ABCA9: variants seen among roughly 807,000 people sequenced by gnomAD.
The protein encoded by ABCA9 is ATP binding cassette subfamily A member 9, also known as ATP-binding cassette sub-family A member 9.
ABCA9 carries 183 observed loss-of-function variants against 205.3 expected under a neutral mutation model. The observed-to-expected ratio is 0.89, with a 90% CI of 0.79 to 1.01. The LOEUF (loss-of-function observed/expected upper bound fraction) is 1.01. Among genes scored for constraint, ABCA9 ranks in the 50% least tolerant of loss-of-function variants. The probability of loss-of-function intolerance (pLI) is 0.00; values close to 1 mark genes in which losing one functional copy is unlikely to be tolerated. For missense variants in ABCA9, 1,805 were observed against 1,912.4 expected, an observed-to-expected ratio of 0.94 and a Z score of 1.05; for synonymous variants, 651 against 683.3, an observed-to-expected ratio of 0.95 and a Z score of 0.74.
At chr17:69,043,350 A>T in intron 6 of ABCA9, 139 bp downstream of exon 6, 1 of 607,108 alleles carries the variant, frequency 1.6e-6, no homozygotes, top group Non-Finnish European at 2.8e-6. Flanking sequence ...ACCTCCTGCT[A>T]TGTGGCCTGG....
At chr17:68,983,645 C>T in intron 36 of ABCA9, 64 bp downstream of exon 36, 1 of 1,585,398 alleles carries the variant, frequency 6.3e-7, no homozygotes, top group Non-Finnish European at 8.6e-7. Context: ...CTTATTCCGT[C>T]ATCATAGCAG....
chr17:68,986,245 T>A lies in ABCA9; in HGVS notation c.4127A>T (p.Asn1376Ile). ...YCPQENALWP[N>I]LTVRQHLEVY... is the part of the protein sequence containing the mutation. ...CTCCAGGTGCTGCCTCACTGTCAGGTTGGGCCACAGCGCATTCTCCTGAGG... is the reference window on the plus strand; with the variant it reads ...CTCCAGGTGCTGCCTCACTGTCAGGATGGGCCACAGCGCATTCTCCTGAGG... The change falls in exon 32 of 39, where the codon AAC becomes ATC. Residue 1376 changes from asparagine (N) to isoleucine (I), a missense_variant. Asn to Ile is a moderately radical substitution (Grantham distance 149, BLOSUM62 -3). Coordinates refer to ENST00000340001, the MANE Select transcript of ABCA9 (RefSeq NM_080283.4). 1 of 1,614,108 alleles carries A rather than the reference T, an allele frequency of 6.2e-7. No individual in the cohort carries two copies. Among genetic ancestry groups the A allele is most frequent in the Non-Finnish European group, 8.5e-7 (1 of 1,179,986 alleles).
chr17:69,018,402 C>T lies in ABCA9; in HGVS notation c.2767+11G>A. On this transcript the variant is annotated intron_variant, in intron 20 of 38. Transcript: ENST00000340001. ...CAACATTTAACAGCTGCATTTCAGCCCCATGTTCACCTGTCTTATTGATGA... is the reference window on the plus strand; with the variant it reads ...CAACATTTAACAGCTGCATTTCAGCTCCATGTTCACCTGTCTTATTGATGA... 6.6e-7 allele frequency: 1 copy of T among 1,523,326 alleles called. No individual in the cohort carries two copies. The highest frequency in any genetic ancestry group is 8.8e-7 in the Non-Finnish European group (1 of 1,141,186). 94.4% of individuals were successfully genotyped at this position (1,523,326 alleles called of 1,614,324 possible).
At position 69,018,485 on chromosome 17, in the gene ABCA9, T is replaced by C. The variant is rs2070710418; in HGVS notation, c.2695A>G (p.Asn899Asp). 5.6e-6 allele frequency: 9 copies of C among 1,608,560 alleles called. No homozygotes were observed. Among genetic ancestry groups the C allele is most frequent in the Non-Finnish European group, 7.6e-6 (9 of 1,177,654 alleles). Residue 899 changes from asparagine (N) to aspartate (D), a missense_variant, in exon 20 of 39, where the codon AAT (asparagine) becomes GAT (aspartate). Asn to Asp is a conservative substitution (Grantham distance 23). Coordinates refer to ENST00000340001, the MANE Select transcript of ABCA9 (RefSeq NM_080283.4). ...TGTCCTGGTGAGAGGAAGTATGTAT[T>C]TGGAGACAGTTCCCACGGGTAACTT... ...QKSYPWELSP[N>D]TYFLSPGQQP...
At chr17:69,006,307 C>T (rs1175926316) in intron 25 of ABCA9, among the ~76,000 whole-genome samples, 7 of 152,140 alleles carry the variant, frequency 4.6e-5, no homozygotes, top group Non-Finnish European at 8.8e-5. Context: ...AAGATATACA[C>T]ACACATGCAA....
chr17:69,005,524 T>A (rs2070095880), intron 25 of ABCA9, among the ~76,000 whole-genome samples: 1 of 152,218 alleles, frequency 6.6e-6, no homozygotes, highest in Non-Finnish European at 1.5e-5. Flanking sequence ...GAGCCAATTA[T>A]TAGCATTTTA....
rs762347162 is a variant in ABCA9, at chr17:69,011,990, T to C, written c.3133A>G (p.Ile1045Val). ...ACTCTTCTTACTTTGTAGTCACCAA[T>C]GCTGCTCATTGCAATGTATGGAGTG... ...SFTPYIAMSS[I>V]GDYKKKAHSQ... Residue 1045 changes from isoleucine to valine, a missense_variant, in exon 23 of 39, where the codon ATT becomes GTT. By Grantham distance (29) the Ile-to-Val change is conservative (BLOSUM62 3). Transcript: ENST00000340001. 12 of 1,611,794 alleles carry C rather than the reference T, an allele frequency of 7.4e-6. No individual in the cohort carries two copies. The highest frequency in any genetic ancestry group is 1.0e-5 in the Non-Finnish European group (12 of 1,178,910).
chr17:68,986,364 G>A, intron 31 of ABCA9, 40 bp from the exon 32 acceptor site: 1 of 1,570,930 alleles, frequency 6.4e-7, no homozygotes, highest in Non-Finnish European at 8.7e-7. Flanking sequence ...TATCCCAAAT[G>A]TCACGTATAT....
chr17:68,999,668 T>C (rs12947271), intron 25 of ABCA9, among the ~76,000 whole-genome samples: 1 of 151,890 alleles, frequency 6.6e-6, no homozygotes, highest in African/African-American at 2.4e-5. Context: ...GGTCAAATGG[T>C]ATTTCTAGTT....
chr17:69,073,849 A>C, the ABCA9 span, among the ~76,000 whole-genome samples: 1 of 151,362 alleles, frequency 6.6e-6, no homozygotes, highest in African/African-American at 2.4e-5. Flanking sequence ...AGCACATACC[A>C]CCCGGCTAAC....
chr17:68,991,151 A>G (rs1266139420), intron 28 of ABCA9, among the ~76,000 whole-genome samples, 194 bp from the exon 29 acceptor site: 1 of 152,144 alleles, frequency 6.6e-6, no homozygotes, highest in Non-Finnish European at 1.5e-5. Flanking sequence ...TGATATCCTT[A>G]TATCATCTTC....
chr17:69,074,871 T>G, the ABCA9 span, among the ~76,000 whole-genome samples: 1 of 152,200 alleles, frequency 6.6e-6, no homozygotes, highest in Non-Finnish European at 1.5e-5. Context: ...CTTTCCACAG[T>G]GGCAGTGTTC....
intron 1 of ABCA9, 95 bp from the exon 2 acceptor site, chr17:69,051,234 T>G: frequency 5.7e-6 from 6 of 1,058,446 alleles, no homozygotes; most frequent in South Asian, 2.1e-5. Context: ...TAACAGCTGT[T>G]TCCAGTTGCA....
At chr17:69,069,189 G>A in the ABCA9 span, among the ~76,000 whole-genome samples, 2 of 152,104 alleles carry the variant, frequency 1.3e-5, no homozygotes, top group Non-Finnish European at 2.9e-5. Context: ...GAGGTTTCAG[G>A]GCAAACTACA....
intron 16 of ABCA9, 124 bp downstream of exon 16, chr17:69,026,253 T>C (rs188398799): frequency 4.2e-6 from 3 of 713,406 alleles, no homozygotes; most frequent in Non-Finnish European, 7.1e-6. Flanking sequence ...GCCTTAGTTC[T>C]ACCATAGCTC....
Position 69,049,414 on chromosome 17 carries a change from G to A in ABCA9, c.173C>T (p.Pro58Leu), listed in dbSNP as rs772123586. 1.2e-5 allele frequency: 19 copies of A among 1,612,990 alleles called. No homozygotes were observed. Among genetic ancestry groups the A allele is most frequent in the Non-Finnish European group, 1.6e-5 (19 of 1,179,268 alleles). Residue 58 changes from proline to leucine, a missense_variant, in exon 3 of 39, where the codon CCT becomes CTT. Pro to Leu is a moderately conservative substitution (Grantham distance 98). Transcript: ENST00000340001. ...TCCCAGATCCATTGAAGACATTTGA[G>A]GAGTGTCATGAACTTGATGTAAATT... Reference protein sequence around the residue: ...FSNLHQVHDTPQMSSMDLGRV... With the variant: ...FSNLHQVHDTLQMSSMDLGRV...
At chr17:69,077,470 T>G in the ABCA9 span, among the ~76,000 whole-genome samples, 2 of 152,228 alleles carry the variant, frequency 1.3e-5, no homozygotes, top group East Asian at 3.8e-4. Context: ...ATGAGAAGAA[T>G]GTATATTCTG....
At chr17:69,076,204 T>C in the ABCA9 span, among the ~76,000 whole-genome samples, 3 of 152,114 alleles carry the variant, frequency 2.0e-5, no homozygotes, top group African/African-American at 7.2e-5. Context: ...TCAATGCCTA[T>C]TTTGTTGAGG....
At chr17:69,035,985 G>A (rs1195595272) in intron 6 of ABCA9, among the ~76,000 whole-genome samples, 184 bp from the exon 7 acceptor site, 3 of 152,190 alleles carry the variant, frequency 2.0e-5, no homozygotes, top group Admixed American at 2.0e-4. Context: ...CAATAAACAA[G>A]TAGAGAGGAA....
Sources: allele counts gnomAD v4.1 joint callset (sites outside exome capture counted in the v4.1 genomes callset), GRCh38; gene constraint gnomAD v4.1.1; transcripts MANE v1.5; gene names NCBI Gene and HGNC (gene_info 2026-07-23, HGNC 2026-07-21).